Variants in PCDHA2 observed in about 807,000 individuals in gnomAD.
PCDHA2 encodes the protein protocadherin alpha-2.
Under a neutral mutation model 66.0 loss-of-function variants are expected in PCDHA2, and 58 were observed. The observed-to-expected ratio is 0.88, with a 90% CI of 0.71 to 1.09. The LOEUF (loss-of-function observed/expected upper bound fraction) is 1.09, where lower values mean the gene tolerates loss of function less well. PCDHA2 is among the 50% of genes least tolerant of loss of function. The pLI, the probability that PCDHA2 is intolerant of heterozygous loss-of-function variation, is 0.00. For synonymous variants in PCDHA2, 634 were observed against 554.0 expected (o/e 1.14, Z -2.03); for missense variants, 1,267 against 1,242.3 (o/e 1.02, Z -0.30).
chr5:140,823,346 A>G, intron 1 of PCDHA2: 1 of 1,612,198 alleles, frequency 6.2e-7, no homozygotes, highest in African/African-American at 1.3e-5. Flanking sequence ...CCGCTGGACC[A>G]CGAGGAAGTG....
intron 1 of PCDHA2, among the ~76,000 whole-genome samples, chr5:140,886,194 AAT>A (rs775586198): frequency 9.9e-5 from 15 of 152,172 alleles, no homozygotes; most frequent in Non-Finnish European, 1.9e-4. Context: ...GGCAAGCAGT[AAT>A]CTGTTCTCCA....
intron 1 of PCDHA2, chr5:140,806,947 T>G: frequency 1.7e-6 from 1 of 585,412 alleles, no homozygotes; most frequent in Non-Finnish European, 3.0e-6. Context: ...CAGTAGAGTG[T>G]GTGGGGGTTT....
intron 1 of PCDHA2, chr5:140,883,536 T>C (rs1178559999): frequency 8.7e-6 from 14 of 1,614,202 alleles, no homozygotes; most frequent in Non-Finnish European, 1.2e-5. Flanking sequence ...GCCTATGAAC[T>C]GGTGGTGACC....
chr5:140,831,119 G>T (rs1198671587), intron 1 of PCDHA2: 1 of 152,072 alleles, frequency 6.6e-6, no homozygotes, highest in Non-Finnish European at 1.5e-5. Context: ...GAATACTTCT[G>T]GTTGTTATGG....
At position 140,850,532 on chromosome 5, in the gene PCDHA2, G is replaced by A. The variant is rs140380568; in HGVS notation, c.2388+53180G>A. 9.4e-6 allele frequency: 15 copies of A among 1,598,364 alleles called. 1 individual carries two copies. Among genetic ancestry groups the A allele is most frequent in the Admixed American group, 6.7e-5 (4 of 59,316 alleles). ...AGAGCGGCCAGGCGCCAAAGTCATC[G>A]TCGCGGGCGTCAGTGGGTGCCACGG... On this transcript the variant is annotated intron_variant, in intron 1 of 3. Transcript: ENST00000526136.
intron 1 of PCDHA2, among the ~76,000 whole-genome samples, chr5:140,933,949 G>A (rs184768008): frequency 6.6e-6 from 1 of 151,792 alleles, no homozygotes; most frequent in African/African-American, 2.4e-5. Flanking sequence ...CACATCTGCA[G>A]GATCTGTAGT....
chr5:140,946,974 G>A (rs1554217987), intron 1 of PCDHA2, among the ~76,000 whole-genome samples: 1 of 151,636 alleles, frequency 6.6e-6, no homozygotes, highest in African/African-American at 2.4e-5. Context: ...TTATAGAATA[G>A]AGGATTTTGA....
chr5:140,849,881 G>T, intron 1 of PCDHA2: 1 of 1,598,596 alleles, frequency 6.3e-7, no homozygotes, highest in Non-Finnish European at 8.6e-7. Flanking sequence ...AGTACACGGT[G>T]TTCGTGAAGG....
intron 1 of PCDHA2, among the ~76,000 whole-genome samples, chr5:140,971,432 A>G (rs1446143040): frequency 6.6e-6 from 1 of 152,226 alleles, no homozygotes; most frequent in African/African-American, 2.4e-5. Context: ...AAGAACCCCA[A>G]GATCTACAGC....
chr5:140,838,613 A>T (rs1460772587), intron 1 of PCDHA2, among the ~76,000 whole-genome samples: 2 of 152,032 alleles, frequency 1.3e-5, no homozygotes, highest in African/African-American at 4.8e-5. Context: ...ACTTTTAAAA[A>T]TTTTTTACAA....
chr5:140,824,010 G>C (rs1554129688), intron 1 of PCDHA2: 1 of 1,614,148 alleles, frequency 6.2e-7, no homozygotes, highest in South Asian at 1.1e-5. Flanking sequence ...GCGCGGTGGG[G>C]AGCTGGTCGT....
chr5:140,899,550 A>C (rs932403675), intron 1 of PCDHA2, among the ~76,000 whole-genome samples: 1 of 152,176 alleles, frequency 6.6e-6, no homozygotes, highest in Admixed American at 6.5e-5. Flanking sequence ...ATGGTGGATA[A>C]GCTTTTTGAT....
At position 141,010,062 on chromosome 5, in the gene PCDHA2, A is replaced by G. The variant is rs1310704954; in HGVS notation, c.*125A>G. The G allele has an allele frequency of 8.1e-6, 13 of 1,602,422 alleles. No individual in the cohort carries two copies. Among genetic ancestry groups the G allele is most frequent in the African/African-American group, 2.7e-5 (2 of 74,284 alleles). On this transcript the variant is annotated 3_prime_UTR_variant, in exon 4 of 4. Transcript: ENST00000526136. Reference sequence around the variant, plus strand: ...CCTCTTAGAGACCTCAGAAATCTGCAGAAAGTTCCCTGTGTCTGTCTAGAA... The same window carrying G: ...CCTCTTAGAGACCTCAGAAATCTGCGGAAAGTTCCCTGTGTCTGTCTAGAA...
chr5:140,927,401 G>A lies in PCDHA2; in HGVS notation c.2389-51548G>A, dbSNP rs782140870. On this transcript the variant is annotated intron_variant, in intron 1 of 3. Transcript: ENST00000526136. ...AGCCTAAGCCCCAGTCAGCACTTTCGCCTGGACATGGGATCGCGGGTTGAC... is the reference window on the plus strand; with the variant it reads ...AGCCTAAGCCCCAGTCAGCACTTTCACCTGGACATGGGATCGCGGGTTGAC... The A allele has an allele frequency of 1.9e-6, 3 of 1,614,192 alleles. No homozygotes were observed. Among genetic ancestry groups the A allele is most frequent in the Non-Finnish European group, 2.5e-6 (3 of 1,180,036 alleles).
Position 140,803,409 on chromosome 5 carries a change from A to G in PCDHA2, c.2388+6057A>G. ...AGGCGACTGTGGGCCGGGCAAGCCC[A>G]CGCTGGTGTGCTCCAGCGCGGTGGG... On this transcript the variant is annotated intron_variant, in intron 1 of 3. Coordinates refer to ENST00000526136, the MANE Select transcript of PCDHA2 (RefSeq NM_018905.3). The G allele has an allele frequency of 1.2e-6, 2 of 1,614,204 alleles. No homozygotes were observed. Among genetic ancestry groups the G allele is most frequent in the African/African-American group, 2.7e-5 (2 of 75,060 alleles).
intron 1 of PCDHA2, chr5:140,967,882 C>T (rs1323816592): frequency 1.2e-6 from 2 of 1,614,108 alleles, no homozygotes. Context: ...ACCTGTATAG[C>T]CCAGTGCCTG....
At chr5:140,973,665 T>G (rs1309458037) in intron 1 of PCDHA2, among the ~76,000 whole-genome samples, 1 of 152,248 alleles carries the variant, frequency 6.6e-6, no homozygotes, top group African/African-American at 2.4e-5. Context: ...CTATTTATTG[T>G]AGCTTGAATG....
chr5:140,795,138 G>A lies in PCDHA2; in HGVS notation c.174G>A (p.Glu58=). 6.2e-7 allele frequency: 1 copy of A among 1,614,062 alleles called. No homozygotes were observed. The highest frequency in any genetic ancestry group is 1.3e-5 in the African/African-American group (1 of 75,064). The change falls in exon 1 of 4, where the codon GAG becomes GAA. Residue 58 remains glutamate (E), a synonymous_variant. Coordinates refer to ENST00000526136, the MANE Select transcript of PCDHA2 (RefSeq NM_018905.3). ...AGGACCTGGGGCTGGAGCTGGAGGA[G>A]CTGGTGCCGCGCCTGTTCCGGGTGG... ...IAQDLGLELE[E]LVPRLFRVAS...
Position 140,794,935 on chromosome 5 carries a change from C to G in PCDHA2, c.-30C>G. 6.3e-7 allele frequency: 1 copy of G among 1,582,214 alleles called. No individual in the cohort carries two copies. The highest frequency in any genetic ancestry group is 8.6e-7 in the Non-Finnish European group (1 of 1,165,882). On this transcript the variant is annotated 5_prime_UTR_variant, in exon 1 of 4. Transcript: ENST00000526136. ...TTAAATTTTTGCAAAACATGCTCTT[C>G]TAATTTGATCAAAACATTGAGGATT...
Sources: allele counts gnomAD v4.1 joint callset (sites outside exome capture counted in the v4.1 genomes callset), GRCh38; gene constraint gnomAD v4.1.1; transcripts MANE v1.5; gene names NCBI Gene and HGNC (gene_info 2026-07-23, HGNC 2026-07-21).